Variants in HIPK1 observed in about 807,000 individuals in gnomAD.
HIPK1 encodes homeodomain interacting protein kinase 1, also known as homeodomain-interacting protein kinase 1.
Under a neutral mutation model 117.1 loss-of-function variants are expected in HIPK1, and 28 were observed. The observed-to-expected ratio is 0.24, with a 90% CI of 0.18 to 0.33. The LOEUF (loss-of-function observed/expected upper bound fraction) is 0.33. Among genes scored for constraint, HIPK1 ranks in the 10% least tolerant of loss-of-function variants. The pLI is 1.00. For missense variants in HIPK1, 1,122 were observed against 1,475.1 expected (o/e 0.76, Z 3.92); for synonymous variants, 605 against 562.5 (o/e 1.08, Z -1.07).
rs1673183803 is a variant in HIPK1, at chr1:113,977,196, C to G, written c.*3684C>G. Reference sequence around the variant, plus strand: ...TTTAGGATAGGAAATGAAATTGCCTCTCAGTGACAGGAGTGGCCCGAGCCT... The same window carrying G: ...TTTAGGATAGGAAATGAAATTGCCTGTCAGTGACAGGAGTGGCCCGAGCCT... On this transcript the variant is annotated 3_prime_UTR_variant, in exon 16 of 16. Transcript: ENST00000426820. 1 of 152,242 alleles carries G rather than the reference C, an allele frequency of 6.6e-6. No individual in the cohort carries two copies. The highest frequency in any genetic ancestry group is 1.5e-5 in the Non-Finnish European group (1 of 67,978). The allele number at this position is 152,242 out of a possible 1,614,324, so 9.4% of individuals were successfully genotyped here. A position where few individuals can be genotyped will look rare whatever the true frequency, so the allele number is the denominator to read the frequency against.
At chr1:113,970,230 C>A in intron 14 of HIPK1, 33 bp downstream of exon 14, 5 of 1,611,460 alleles carry the variant, frequency 3.1e-6, no homozygotes, top group Non-Finnish European at 4.2e-6. Flanking sequence ...GAGTTGAATT[C>A]TCCTTTGATG....
intron 1 of HIPK1, among the ~76,000 whole-genome samples, chr1:113,936,504 G>T (rs144532739): frequency 6.6e-6 from 1 of 151,102 alleles, no homozygotes; most frequent in Non-Finnish European, 1.5e-5. Flanking sequence ...TCACTCTGTC[G>T]CCCAGGCTGG....
chr1:113,939,794 A>G (rs931520116), intron 1 of HIPK1, among the ~76,000 whole-genome samples: 1 of 152,142 alleles, frequency 6.6e-6, no homozygotes, highest in African/African-American at 2.4e-5. Context: ...TTCTGAAAAA[A>G]TAGCTTTCAG....
At chr1:113,955,137 A>G (rs57823986) in intron 4 of HIPK1, among the ~76,000 whole-genome samples, 2,415 of 152,270 alleles carry the variant, frequency 0.016, 71 homozygotes, top group African/African-American at 0.055. Flanking sequence ...CAGGACTTCT[A>G]TATTTTTTCT....
intron 8 of HIPK1, among the ~76,000 whole-genome samples, chr1:113,961,285 T>C (rs1034556254): frequency 2.6e-5 from 4 of 152,198 alleles, no homozygotes; most frequent in Non-Finnish European, 5.9e-5. Flanking sequence ...AGAAGAATTC[T>C]TGATTTTCCT....
chr1:113,960,604 A>G (rs1024975760), intron 8 of HIPK1, among the ~76,000 whole-genome samples: 5 of 152,146 alleles, frequency 3.3e-5, no homozygotes, highest in African/African-American at 1.2e-4. Flanking sequence ...TACAATACCA[A>G]TGTCTTGTAG....
rs201936624 is a variant in HIPK1 at position 113,954,820 on chromosome 1, C to A, written c.1320+50C>A. On this transcript the variant is annotated intron_variant, in intron 4 of 15. Coordinates refer to ENST00000426820, the MANE Select transcript of HIPK1 (RefSeq NM_198268.3). ...GACTCCTGTACTCCACCCCTCACTC[C>A]CCAATTTTGAATTCAAAGTTTAGTT... 51 of 1,490,242 alleles carry A rather than the reference C, an allele frequency of 3.4e-5. 1 individual carries two copies. The East Asian group carries it at 5.7e-4, about 17-fold the overall frequency. 92.3% of individuals were successfully genotyped at this position (1,490,242 alleles called of 1,614,324 possible).
chr1:113,945,148 C>G (rs1213403066), intron 2 of HIPK1, among the ~76,000 whole-genome samples: 2 of 152,162 alleles, frequency 1.3e-5, no homozygotes, highest in Non-Finnish European at 2.9e-5. Flanking sequence ...CATGCCCAGC[C>G]TGGCATTTTT....
At chr1:113,964,695 C>T (rs1672335254) in intron 10 of HIPK1, among the ~76,000 whole-genome samples, 1 of 152,146 alleles carries the variant, frequency 6.6e-6, no homozygotes, top group African/African-American at 2.4e-5. Flanking sequence ...GATTAATTTT[C>T]TTGTAAGCAG....
intron 1 of HIPK1, among the ~76,000 whole-genome samples, chr1:113,932,509 A>AT (rs1669966678): frequency 7.2e-6 from 1 of 139,820 alleles, no homozygotes. Context: ...AGCTAGGACT[A>AT]CAGGCACTAC....
Position 113,971,944 on chromosome 1 carries a change from A to G in HIPK1, c.3134A>G (p.Asn1045Ser), listed in dbSNP as rs374785454. ...RGGTSAAQPL[N>S]LSQNQQSSAA... is the part of the protein sequence containing the mutation. The stretch of plus-strand genomic sequence containing the variant: ...GGGACCAGTGCAGCACAACCACTCA[A>G]TCTTAGCCAGGTAAGTGCTATGGGC... Residue 1045 changes from asparagine (N) to serine (S), a missense_variant, in exon 15 of 16, where the codon AAT becomes AGT. By Grantham distance (46) the Asn-to-Ser change is conservative. Around this residue, in one of 6 missense-constraint regions of HIPK1, gnomAD observed 731 missense variants for 860.4 expected, o/e 0.85. Coordinates refer to ENST00000426820, the MANE Select transcript of HIPK1 (RefSeq NM_198268.3). 3.4e-5 allele frequency: 55 copies of G among 1,610,748 alleles called. No individual in the cohort carries two copies. Among genetic ancestry groups the G allele is most frequent in the Non-Finnish European group, 4.1e-5 (48 of 1,178,578 alleles).
At position 113,940,545 on chromosome 1, in the gene HIPK1, G is replaced by T. The variant is rs1670580746; in HGVS notation, c.162G>T (p.Gly54=). ...GCAAAACCCTCCCAGCCACACAAGG[G>T]CAAGCCAACTCCTCTCACCAGGTAG... The part of the protein sequence containing the change: ...THSKTLPATQ[G]QANSSHQVAN... The change falls in exon 2 of 16, where the codon GGG becomes GGT. Residue 54 remains glycine (G), a synonymous_variant. Transcript: ENST00000426820. The T allele has an allele frequency of 6.2e-7, 1 of 1,614,144 alleles. No homozygotes were observed. Among genetic ancestry groups the T allele is most frequent in the Non-Finnish European group, 8.5e-7 (1 of 1,180,024 alleles).
At chr1:113,968,320 T>C in intron 12 of HIPK1, 122 bp from the exon 13 acceptor site, 3 of 749,228 alleles carry the variant, frequency 4.0e-6, no homozygotes, top group Non-Finnish European at 7.1e-6. Flanking sequence ...TAGTTAAATG[T>C]ATTTGCTTAA....
Position 113,976,419 on chromosome 1 carries a change from G to A in HIPK1, c.*2907G>A, listed in dbSNP as rs1673137302. On this transcript the variant is annotated 3_prime_UTR_variant, in exon 16 of 16. Transcript: ENST00000426820. ...CTTGTCTTTTTTCTGTAAGGGACAA[G>A]ATTTGTTGTTTTTGTAAGAAATGAG... is the stretch of plus-strand genomic sequence containing the variant. 6.6e-6 allele frequency: 1 copy of A among 152,500 alleles called. No homozygotes were observed. The highest frequency in any genetic ancestry group is 1.5e-5 in the Non-Finnish European group (1 of 68,016). The allele number at this position is 152,500 out of a possible 1,614,324, so 9.4% of individuals were successfully genotyped here. A position where few individuals can be genotyped will look rare whatever the true frequency, so the allele number is the denominator to read the frequency against.
chr1:113,962,495 T>C, intron 9 of HIPK1, 57 bp downstream of exon 9: 1 of 1,546,632 alleles, frequency 6.5e-7, no homozygotes, highest in Non-Finnish European at 8.8e-7. Flanking sequence ...GAGATTCAGA[T>C]ATTTTGTCCT....
chr1:113,961,881 T>G (rs1672137006), intron 8 of HIPK1, among the ~76,000 whole-genome samples: 1 of 143,008 alleles, frequency 7.0e-6, no homozygotes, highest in Non-Finnish European at 1.5e-5. Context: ...GAGCAGAGTT[T>G]GCAGTGAGCC....
At chr1:113,951,149 T>TA in intron 2 of HIPK1, 7 of 800,594 alleles carry the variant, frequency 8.7e-6, no homozygotes, top group Non-Finnish European at 1.1e-5. Flanking sequence ...TGGCACATAG[T>TA]AGGCAATATT....
chr1:113,957,912 A>G (rs1671832596), intron 7 of HIPK1, among the ~76,000 whole-genome samples, 154 bp from the exon 8 acceptor site: 1 of 151,962 alleles, frequency 6.6e-6, no homozygotes, highest in African/African-American at 2.4e-5. Flanking sequence ...TTTAGGGACT[A>G]GGGAAGTTTC....
chr1:113,953,835 A>G (rs2101311925), intron 3 of HIPK1: 1 of 151,106 alleles, frequency 6.6e-6, no homozygotes, highest in Middle Eastern at 3.6e-3. Context: ...TTATTTTTTA[A>G]AAATGTTCCT....
Sources: gnomAD v4.1 joint callset for allele counts (sites outside exome capture counted in the v4.1 genomes callset) on GRCh38, gnomAD v4.1.1 for gene constraint, gnomAD v4.1.1 regional missense constraint, MANE v1.5 for transcripts, NCBI Gene and HGNC (gene_info 2026-07-23, HGNC 2026-07-21) for gene names.